Variants in WASF3 observed in about 807,000 individuals in gnomAD.
WASF3 encodes WASP family member 3.
A neutral mutation model predicts 46.6 loss-of-function variants in WASF3; 11 were observed. The ratio of observed to expected loss-of-function variants is 0.24; its 90% CI spans 0.15 to 0.39. The LOEUF is 0.39. WASF3 is among the 10% of genes least tolerant of loss of function. The probability of loss-of-function intolerance (pLI) is 1.00; values close to 1 mark genes in which losing one functional copy is unlikely to be tolerated. For missense variants in WASF3, 576 were observed against 669.8 expected, an observed-to-expected ratio of 0.86 and a Z score of 1.55; for synonymous variants, 242 against 259.7, an observed-to-expected ratio of 0.93 and a Z score of 0.65.
upstream of WASF3, among the ~76,000 whole-genome samples, chr13:26,554,928 A>G (rs1879065700): frequency 6.6e-6 from 1 of 152,118 alleles, no homozygotes; most frequent in Non-Finnish European, 1.5e-5. Flanking sequence ...GAATTGTGAG[A>G]CTATGCTTAG....
At chr13:26,660,300 G>T (rs1414264388) in intron 3 of WASF3, among the ~76,000 whole-genome samples, 1 of 143,244 alleles carries the variant, frequency 7.0e-6, no homozygotes, top group African/African-American at 2.6e-5. Context: ...GTGGAATTTT[G>T]AGTCTGGGGA....
intron 1 of WASF3, among the ~76,000 whole-genome samples, chr13:26,610,457 CA>C (rs1243906204): frequency 1.3e-4 from 20 of 152,182 alleles, no homozygotes; most frequent in Middle Eastern, 3.4e-3. Context: ...TTGGTTTTAC[CA>C]GGGGGAGGGG....
At chr13:26,648,397 A>C (rs751994832) in intron 3 of WASF3, among the ~76,000 whole-genome samples, 5 of 152,184 alleles carry the variant, frequency 3.3e-5, no homozygotes, top group African/African-American at 7.2e-5. Context: ...AACCAAATGC[A>C]CTCTAATTCA....
chr13:26,634,733 C>T lies in WASF3; in HGVS notation c.-10-7528C>T, dbSNP rs1179888436. Among the ~76,000 whole-genome samples the T allele has an allele frequency of 2.0e-5, 3 of 152,228 alleles. No individual in the cohort carries two copies. In the East Asian group the frequency reaches 5.8e-4, roughly 29 times the overall value. Reference sequence around the variant, plus strand: ...CTTGTCTGTGAAGGATTTTATTTCTCCTTCACTTATGAAGCTTAGTTTGGC... The same window carrying T: ...CTTGTCTGTGAAGGATTTTATTTCTTCTTCACTTATGAAGCTTAGTTTGGC... On this transcript the variant is annotated intron_variant, in intron 2 of 9. Transcript: ENST00000335327.
chr13:26,675,528 A>G (rs557009167), intron 6 of WASF3, among the ~76,000 whole-genome samples: 176 of 151,926 alleles, frequency 1.2e-3, no homozygotes, highest in African/African-American at 3.8e-3. Flanking sequence ...ACACACGTAT[A>G]TATTTAAACA....
chr13:26,683,154 G>A (rs919424925), intron 9 of WASF3, among the ~76,000 whole-genome samples, 180 bp downstream of exon 9: 2 of 152,164 alleles, frequency 1.3e-5, no homozygotes, highest in African/African-American at 4.8e-5. Context: ...TTTGTCCAGT[G>A]TAAGGTAATC....
intron 1 of WASF3, among the ~76,000 whole-genome samples, chr13:26,605,382 C>G (rs186771300): frequency 1.3e-5 from 2 of 152,164 alleles, no homozygotes; most frequent in African/African-American, 4.8e-5. Context: ...GATTCAAATT[C>G]TCATGCTCAT....
At chr13:26,665,391 A>G (rs569352256) in intron 4 of WASF3, among the ~76,000 whole-genome samples, 2 of 152,292 alleles carry the variant, frequency 1.3e-5, no homozygotes, top group South Asian at 2.1e-4. Flanking sequence ...AAAAATTACA[A>G]ATATAGTATT....
At chr13:26,660,194 GTTTTTTTTTTTTTTTTTTTTT>G (rs71080285) in intron 3 of WASF3, among the ~76,000 whole-genome samples, 16 of 43,376 alleles carry the variant, frequency 3.7e-4, no homozygotes, top group Admixed American at 1.9e-3. Context: ...TTTTTGTTTG[GTTTTTTTTTTTTTTTTTTTTT>G]TTTTTTTTTT....
At chr13:26,638,200 C>G (rs899565291) in intron 2 of WASF3, 1 of 152,222 alleles carries the variant, frequency 6.6e-6, no homozygotes, top group Non-Finnish European at 1.5e-5. Flanking sequence ...TTTTGTCATT[C>G]TCCATTTCAT....
At chr13:26,585,663 T>A (rs1880107859) in intron 1 of WASF3, among the ~76,000 whole-genome samples, 1 of 152,082 alleles carries the variant, frequency 6.6e-6, no homozygotes, top group Non-Finnish European at 1.5e-5. Flanking sequence ...TGTTATAAAT[T>A]TGATAAGTGT....
chr13:26,665,399 ATTTG>A (rs1209923237), intron 4 of WASF3, among the ~76,000 whole-genome samples: 2 of 152,304 alleles, frequency 1.3e-5, no homozygotes, highest in East Asian at 3.9e-4. Context: ...CAAATATAGT[ATTTG>A]TTTTAAAGGC....
At chr13:26,619,522 G>A (rs1881240810) in intron 2 of WASF3, 1 of 152,152 alleles carries the variant, frequency 6.6e-6, no homozygotes, top group Non-Finnish European at 1.5e-5. Context: ...TGGGGAAGTG[G>A]GGTGGATACA....
At chr13:26,575,251 T>C (rs1879761757) in intron 1 of WASF3, among the ~76,000 whole-genome samples, 1 of 152,222 alleles carries the variant, frequency 6.6e-6, no homozygotes, top group Admixed American at 6.5e-5. Context: ...GGCTTTTTTT[T>C]CTTTCCTTTT....
chr13:26,685,802 C>T lies in WASF3; in HGVS notation c.1466C>T (p.Ser489Phe). Reference protein sequence around the residue: ...SRRIAVEYSDSDDDSEFDEND... With the variant: ...SRRIAVEYSDFDDDSEFDEND... ...CGCATTGCCGTGGAGTACAGCGACT[C>T]TGACGACGACTCAGAGTTCGACGAG... Residue 489 changes from serine to phenylalanine, a missense_variant, in exon 10 of 10, where the codon TCT becomes TTT. This residue lies in a region of WASF3 where 68 missense variants were observed against 100.3 expected (regional missense o/e 0.68). Coordinates refer to ENST00000335327, the MANE Select transcript of WASF3 (RefSeq NM_006646.6). 6.2e-7 allele frequency: 1 copy of T among 1,614,090 alleles called. No individual in the cohort carries two copies.
Position 26,681,107 on chromosome 13 carries a change from C to G in WASF3, c.770C>G (p.Ser257Cys). The G allele has an allele frequency of 5.0e-6, 8 of 1,614,224 alleles. No homozygotes were observed. Among genetic ancestry groups the G allele is most frequent in the Non-Finnish European group, 6.8e-6 (8 of 1,180,040 alleles). The change falls in exon 8 of 10, where the codon TCT (serine) becomes TGT (cysteine). Residue 257 changes from serine to cysteine, a missense_variant. Around this residue, in one of 3 missense-constraint regions of WASF3, gnomAD observed 295 missense variants for 291.5 expected, o/e 1.01. Coordinates refer to ENST00000335327, the MANE Select transcript of WASF3 (RefSeq NM_006646.6). ...DYSYPATPNH[S>C]LHPQPVTPSY... ...TCTTACCCGGCTACTCCCAACCATT[C>G]TCTGCACCCCCAGCCTGTGACCCCT...
intron 3 of WASF3, among the ~76,000 whole-genome samples, chr13:26,643,142 G>A (rs1882049938): frequency 1.3e-5 from 2 of 152,140 alleles, no homozygotes; most frequent in South Asian, 4.1e-4. Context: ...GCTTTTTGAA[G>A]TTGCACTATT....
chr13:26,669,250 C>T lies in WASF3; in HGVS notation c.422+1580C>T, dbSNP rs112325465. 5.4e-3 allele frequency among the ~76,000 whole-genome samples: 702 copies of T among 129,858 alleles called. 10 individuals are homozygous for T. Among genetic ancestry groups the T allele is most frequent in the African/African-American group, 0.019 (656 of 34,202 alleles). 85.2% of individuals were successfully genotyped at this position (129,858 alleles called of 152,430 possible). The stretch of plus-strand genomic sequence containing the variant: ...TTTTTGAGATGGAGTCTCGCTCTGT[C>T]GCCCAGGTTGGAGTGCAGTGGGGTG... On this transcript the variant is annotated intron_variant, in intron 5 of 9. Transcript: ENST00000335327.
Position 26,671,885 on chromosome 13 carries a change from G to C in WASF3, c.436G>C (p.Asp146His). The C allele has an allele frequency of 6.3e-7, 1 of 1,596,012 alleles. No homozygotes were observed. The change falls in exon 6 of 10, where the codon GAT becomes CAT. Residue 146 changes from aspartate (D) to histidine (H), a missense_variant. Asp to His is a moderately conservative substitution (Grantham distance 81). Around this residue, in one of 3 missense-constraint regions of WASF3, gnomAD observed 213 missense variants for 278.0 expected, o/e 0.77. Transcript: ENST00000335327. ...ILTPYRDDKK[D>H]GLKFYTDPSY... Reference sequence around the variant, plus strand: ...ATTGATTTGTAGAGATGACAAGAAGGATGGGCTGAAGTTCTATACTGATCC... The same window carrying C: ...ATTGATTTGTAGAGATGACAAGAAGCATGGGCTGAAGTTCTATACTGATCC...
Sources: allele counts gnomAD v4.1 joint callset (sites outside exome capture counted in the v4.1 genomes callset), GRCh38; gene constraint gnomAD v4.1.1; regional missense constraint gnomAD v4.1.1; transcripts MANE v1.5; gene names NCBI Gene and HGNC (gene_info 2026-07-23, HGNC 2026-07-21).